The following GULP1 variants were observed in gnomAD, a reference collection of about 807,000 sequenced individuals.
GULP1 encodes the protein PTB domain-containing engulfment adapter protein 1.
A neutral mutation model predicts 40.9 loss-of-function variants in GULP1; 19 were observed. The observed-to-expected ratio is 0.46, with a 90% CI of 0.32 to 0.68. The LOEUF is 0.68. Among genes scored for constraint, GULP1 ranks in the 30% least tolerant of loss-of-function variants. The pLI is 0.03. For missense variants in GULP1, 312 were observed against 362.2 expected, an observed-to-expected ratio of 0.86 and a Z score of 1.12; for synonymous variants, 119 against 117.6, an observed-to-expected ratio of 1.01 and a Z score of -0.08.
At chr2:188,464,688 T>C (rs2059974452) in intron 2 of GULP1, among the ~76,000 whole-genome samples, 1 of 152,128 alleles carries the variant, frequency 6.6e-6, no homozygotes, top group African/African-American at 2.4e-5. Flanking sequence ...TGTTGTTCTA[T>C]TGTACTGTGG....
intron 1 of GULP1, among the ~76,000 whole-genome samples, chr2:188,306,570 A>G (rs974728130): frequency 6.6e-6 from 1 of 152,166 alleles, no homozygotes; most frequent in African/African-American, 2.4e-5. Flanking sequence ...ATGTGTAAGC[A>G]GGAGGAGAGA....
At chr2:188,325,236 C>T (rs2040584042) in intron 1 of GULP1, among the ~76,000 whole-genome samples, 1 of 152,056 alleles carries the variant, frequency 6.6e-6, no homozygotes, top group Non-Finnish European at 1.5e-5. Flanking sequence ...TCTGGACCAT[C>T]CAAGCTTGCC....
intron 6 of GULP1, among the ~76,000 whole-genome samples, chr2:188,537,702 A>G (rs1455581737): frequency 6.6e-6 from 1 of 151,984 alleles, no homozygotes; most frequent in Non-Finnish European, 1.5e-5. Flanking sequence ...GTTTTGTCGA[A>G]TGAGTTAGAG....
chr2:188,540,876 TTAAAG>T (rs953602897), intron 6 of GULP1, among the ~76,000 whole-genome samples: 7 of 152,222 alleles, frequency 4.6e-5, no homozygotes, highest in East Asian at 1.9e-4. Context: ...CATGCAAAGT[TTAAAG>T]TATATGATTT....
intron 1 of GULP1, among the ~76,000 whole-genome samples, chr2:188,301,927 T>C (rs546230265): frequency 6.6e-6 from 1 of 152,312 alleles, no homozygotes; most frequent in South Asian, 2.1e-4. Flanking sequence ...CATTGGGTTC[T>C]TGACTCCCTA....
intron 4 of GULP1, among the ~76,000 whole-genome samples, chr2:188,494,875 A>G (rs1438915436): frequency 1.3e-5 from 2 of 151,794 alleles, no homozygotes; most frequent in East Asian, 1.9e-4. Context: ...TACCTTGAAC[A>G]TACACAGACT....
At chr2:188,502,838 G>A (rs1480680346) in intron 4 of GULP1, among the ~76,000 whole-genome samples, 1 of 151,900 alleles carries the variant, frequency 6.6e-6, no homozygotes, top group Non-Finnish European at 1.5e-5. Flanking sequence ...CAACTCTGGA[G>A]GCTAGGAGGT....
intron 1 of GULP1, among the ~76,000 whole-genome samples, chr2:188,359,921 C>G (rs1354764974): frequency 6.6e-6 from 1 of 152,072 alleles, no homozygotes; most frequent in South Asian, 2.1e-4. Context: ...AGGAAAGAAT[C>G]AGTGAGTAAA....
At chr2:188,500,930 C>G (rs1161303767) in intron 4 of GULP1, among the ~76,000 whole-genome samples, 1 of 151,864 alleles carries the variant, frequency 6.6e-6, no homozygotes, top group Non-Finnish European at 1.5e-5. Flanking sequence ...AGTACTTTAG[C>G]AGCAAGTACA....
At chr2:188,454,110 A>G (rs1454921563) in intron 2 of GULP1, among the ~76,000 whole-genome samples, 4 of 152,162 alleles carry the variant, frequency 2.6e-5, no homozygotes, top group Non-Finnish European at 1.5e-5. Context: ...TGCCTGTGTT[A>G]TAGCTTGTAC....
intron 7 of GULP1, among the ~76,000 whole-genome samples, chr2:188,548,074 A>C (rs1370990788): frequency 6.6e-6 from 1 of 152,062 alleles, no homozygotes; most frequent in African/African-American, 2.4e-5. Flanking sequence ...GAACTAAGCA[A>C]AACTTTTCAC....
chr2:188,525,387 A>G (rs1158089344), intron 5 of GULP1, among the ~76,000 whole-genome samples: 2 of 152,102 alleles, frequency 1.3e-5, no homozygotes, highest in East Asian at 3.9e-4. Context: ...GGGAAACTTC[A>G]TCTCAAAAAA....
At chr2:188,585,967 A>C (rs1279782696) in intron 10 of GULP1, among the ~76,000 whole-genome samples, 2 of 152,204 alleles carry the variant, frequency 1.3e-5, no homozygotes, top group Non-Finnish European at 2.9e-5. Flanking sequence ...TTCTAATTTC[A>C]AATTATTTCT....
intron 1 of GULP1, among the ~76,000 whole-genome samples, chr2:188,303,016 G>A (rs533630975): frequency 3.2e-4 from 49 of 152,216 alleles, no homozygotes; most frequent in African/African-American, 1.2e-3. Flanking sequence ...CGCCTGTTAT[G>A]ATGGTCCTGA....
chr2:188,473,377 C>T (rs951226520), intron 2 of GULP1, among the ~76,000 whole-genome samples: 4 of 152,152 alleles, frequency 2.6e-5, no homozygotes, highest in Non-Finnish European at 4.4e-5. Context: ...ACTGTGTTAT[C>T]CCAGGCCCCA....
intron 11 of GULP1, chr2:188,592,880 G>GT (rs1703850559): frequency 1.3e-5 from 2 of 152,134 alleles, no homozygotes; most frequent in South Asian, 4.1e-4. Flanking sequence ...AAAACCAATG[G>GT]TTACCTTTAG....
At chr2:188,392,069 T>C (rs2050600720) in intron 2 of GULP1, among the ~76,000 whole-genome samples, 1 of 152,032 alleles carries the variant, frequency 6.6e-6, no homozygotes, top group Non-Finnish European at 1.5e-5. Flanking sequence ...GTCTATTGTT[T>C]TCTTGTTTTA....
At chr2:188,505,451 T>G (rs1459809407) in intron 4 of GULP1, among the ~76,000 whole-genome samples, 1 of 151,738 alleles carries the variant, frequency 6.6e-6, no homozygotes, top group Non-Finnish European at 1.5e-5. Context: ...TGCCCCCAAA[T>G]AACTCCATAC....
At chr2:188,512,483 G>C (rs1384319664) in intron 4 of GULP1, among the ~76,000 whole-genome samples, 1 of 151,882 alleles carries the variant, frequency 6.6e-6, no homozygotes, top group African/African-American at 2.4e-5. Flanking sequence ...GATGTCCTTT[G>C]TATGTTAAAT....
Sources: allele counts gnomAD v4.1 joint callset (sites outside exome capture counted in the v4.1 genomes callset), GRCh38; gene constraint gnomAD v4.1.1; transcripts MANE v1.5; gene names NCBI Gene and HGNC (gene_info 2026-07-23, HGNC 2026-07-21).